ABCD2: variants seen among roughly 807,000 people sequenced by gnomAD.
The protein encoded by ABCD2 is ATP-binding cassette sub-family D member 2.
ABCD2 carries 36 observed loss-of-function variants against 70.9 expected under a neutral mutation model. The ratio of observed to expected loss-of-function variants is 0.51; its 90% CI spans 0.39 to 0.67. The LOEUF (loss-of-function observed/expected upper bound fraction) is 0.67, where lower values mean the gene tolerates loss of function less well. ABCD2 is among the 30% of genes least tolerant of loss of function. The probability of loss-of-function intolerance (pLI) is 0.00; values close to 1 mark genes in which losing one functional copy is unlikely to be tolerated. For synonymous variants in ABCD2, 304 were observed against 306.9 expected, an observed-to-expected ratio of 0.99 and a Z score of 0.10; for missense variants, 729 against 890.2, an observed-to-expected ratio of 0.82 and a Z score of 2.30.
At chr12:39,585,087 T>C (rs1016317545) in intron 7 of ABCD2, among the ~76,000 whole-genome samples, 1 of 152,192 alleles carries the variant, frequency 6.6e-6, no homozygotes, top group Admixed American at 6.5e-5. Context: ...AGGAATAGCA[T>C]TGAATATGTA....
In ABCD2 at chr12:39,573,801, T is replaced by C. The variant is rs774235902; in HGVS notation, c.1918A>G (p.Ser640Gly). ...ALLDECTSAV[S>G]IDVEGKIFQA... ...AATATCTTTCCTTCGACATCAATGC[T>C]GACAGCACTGGTACATTCATCCAGC... is the stretch of plus-strand genomic sequence containing the variant. Residue 640 changes from serine (S) to glycine (G), a missense_variant, in exon 9 of 10, where the codon AGC becomes GGC. This residue lies in a region of ABCD2 where 289 missense variants were observed against 328.8 expected (regional missense o/e 0.88). Transcript: ENST00000308666. 1.2e-6 allele frequency: 2 copies of C among 1,613,252 alleles called. No homozygotes were observed. The highest frequency in any genetic ancestry group is 8.5e-7 in the Non-Finnish European group (1 of 1,179,362).
At chr12:39,589,319 G>A (rs1363937501) in intron 6 of ABCD2, among the ~76,000 whole-genome samples, 2 of 150,556 alleles carry the variant, frequency 1.3e-5, no homozygotes, top group South Asian at 2.1e-4. Context: ...ACTTGTACAT[G>A]TGTATGTTCA....
At chr12:39,577,153 C>T (rs552820282) in intron 8 of ABCD2, among the ~76,000 whole-genome samples, 2 of 152,090 alleles carry the variant, frequency 1.3e-5, no homozygotes, top group Admixed American at 6.5e-5. Flanking sequence ...AAAATTTTAA[C>T]AGTGTTAATA....
At chr12:39,580,757 C>T (rs1228352931) in intron 7 of ABCD2, among the ~76,000 whole-genome samples, 1 of 152,132 alleles carries the variant, frequency 6.6e-6, no homozygotes, top group Non-Finnish European at 1.5e-5. Flanking sequence ...GATTAACTCT[C>T]ATCTTTGGAA....
At chr12:39,534,697 A>C in the ABCD2 span, among the ~76,000 whole-genome samples, 33 of 49,234 alleles carry the variant, frequency 6.7e-4, 1 homozygote, top group African/African-American at 8.9e-4. Context: ...GAAGGAAGGA[A>C]GGACGGAAGG....
At chr12:39,571,955 G>T (rs1411083147) in intron 9 of ABCD2, among the ~76,000 whole-genome samples, 2 of 152,082 alleles carry the variant, frequency 1.3e-5, no homozygotes, top group African/African-American at 4.8e-5. Context: ...TTCCCTGAGA[G>T]AAAGAATAAT....
chr12:39,586,331 G>T (rs1462988274), intron 6 of ABCD2, 34 bp from the exon 7 acceptor site: 1 of 1,592,894 alleles, frequency 6.3e-7, no homozygotes, highest in Non-Finnish European at 8.5e-7. Flanking sequence ...AATCCTAGTG[G>T]AAAGTCATGA....
chr12:39,593,126 G>A (rs73096542), intron 6 of ABCD2, among the ~76,000 whole-genome samples: 1,673 of 152,216 alleles, frequency 0.011, 36 homozygotes, highest in African/African-American at 0.036. Flanking sequence ...ATATGTGTGG[G>A]TTAAACAATG....
At chr12:39,580,748 A>T (rs1463894020) in intron 7 of ABCD2, among the ~76,000 whole-genome samples, 1 of 152,192 alleles carries the variant, frequency 6.6e-6, no homozygotes, top group East Asian at 1.9e-4. Flanking sequence ...GTGTTCAGGG[A>T]TTAACTCTCA....
chr12:39,553,900 T>C lies in ABCD2; in HGVS notation c.*12A>G, dbSNP rs1164596829. 19 of 1,581,206 alleles carry C rather than the reference T, an allele frequency of 1.2e-5. No homozygotes were observed. Among genetic ancestry groups the C allele is most frequent in the Non-Finnish European group, 1.6e-5 (19 of 1,158,504 alleles). ...TATCTAATAATTAACTTTTAAAATA[T>C]GTCAAAACAAATTAAGATGTCTCAT... On this transcript the variant is annotated 3_prime_UTR_variant, in exon 10 of 10. Transcript: ENST00000308666.
At chr12:39,611,802 T>G (rs1207534171) in intron 2 of ABCD2, among the ~76,000 whole-genome samples, 1 of 152,084 alleles carries the variant, frequency 6.6e-6, no homozygotes, top group Non-Finnish European at 1.5e-5. Context: ...AATGTGTGTG[T>G]GTGTATGTGT....
At chr12:39,567,532 A>G (rs11172638) in intron 9 of ABCD2, among the ~76,000 whole-genome samples, 52,700 of 151,960 alleles carry the variant, frequency 0.35, 11,024 homozygotes, top group African/African-American at 0.59. Context: ...GTCTCTGAAC[A>G]TGAGATGGGT....
chr12:39,579,222 C>T (rs1162234296), intron 8 of ABCD2, among the ~76,000 whole-genome samples: 3 of 152,088 alleles, frequency 2.0e-5, no homozygotes, highest in African/African-American at 2.4e-5. Context: ...ATTAGCCGGG[C>T]GTGGTGGCAC....
At chr12:39,559,263 T>G (rs1313022005) in intron 9 of ABCD2, among the ~76,000 whole-genome samples, 1 of 151,372 alleles carries the variant, frequency 6.6e-6, no homozygotes, top group Non-Finnish European at 1.5e-5. Flanking sequence ...TCTCAGCTAT[T>G]TGGGATGCTG....
intron 2 of ABCD2, among the ~76,000 whole-genome samples, chr12:39,614,592 TTACCTC>T (rs1942090978): frequency 6.6e-6 from 1 of 151,948 alleles, no homozygotes; most frequent in South Asian, 2.1e-4. Flanking sequence ...ATCATGCACT[TTACCTC>T]TAACATAAGG....
chr12:39,549,035 C>T (rs910943160), downstream of ABCD2, among the ~76,000 whole-genome samples: 81 of 151,894 alleles, frequency 5.3e-4, no homozygotes, highest in African/African-American at 1.2e-3. Flanking sequence ...TGGTAACATA[C>T]GAGACTTACC....
rs564533163 is a variant in ABCD2 at position 39,552,644 on chromosome 12, T to A, written c.*1268A>T. On this transcript the variant is annotated 3_prime_UTR_variant, in exon 10 of 10. Coordinates refer to ENST00000308666, the MANE Select transcript of ABCD2 (RefSeq NM_005164.4). ...AAGACTGCATAGTTGCTGAATGATT[T>A]ACTAACTTTCTCATTTCATTTTAAG... 1.1e-4 allele frequency: 16 copies of A among 152,024 alleles called. No individual in the cohort carries two copies. The highest frequency in any genetic ancestry group is 1.1e-3 in the Admixed American group (16 of 15,234). The allele number at this position is 152,024 out of a possible 1,614,324, so 9.4% of individuals were successfully genotyped here. A position where few individuals can be genotyped will look rare whatever the true frequency, so the allele number is the denominator to read the frequency against.
At chr12:39,562,836 A>G (rs1941280452) in intron 9 of ABCD2, among the ~76,000 whole-genome samples, 1 of 152,114 alleles carries the variant, frequency 6.6e-6, no homozygotes, top group Non-Finnish European at 1.5e-5. Flanking sequence ...TGATACTGAA[A>G]CCAAACAAAA....
chr12:39,596,610 A>G (rs1274552952), intron 6 of ABCD2, among the ~76,000 whole-genome samples: 1 of 152,204 alleles, frequency 6.6e-6, no homozygotes, highest in Non-Finnish European at 1.5e-5. Flanking sequence ...AGAAGTTTAT[A>G]CAAGTTACCT....
Sources: gnomAD v4.1 joint callset for allele counts (sites outside exome capture counted in the v4.1 genomes callset) on GRCh38, gnomAD v4.1.1 for gene constraint, gnomAD v4.1.1 regional missense constraint, MANE v1.5 for transcripts, NCBI Gene and HGNC (gene_info 2026-07-23, HGNC 2026-07-21) for gene names.